RAP1GAP2: variants seen among roughly 807,000 people sequenced by gnomAD.
RAP1GAP2 encodes rap1 GTPase-activating protein 2.
Under a neutral mutation model 95.0 loss-of-function variants are expected in RAP1GAP2, and 27 were observed. The observed-to-expected ratio is 0.28, with a 90% CI of 0.21 to 0.39. The LOEUF is 0.39. Ranked by LOEUF, RAP1GAP2 falls within the 10% of genes least tolerant of loss-of-function variation. The probability of loss-of-function intolerance (pLI) is 1.00; values close to 1 mark genes in which losing one functional copy is unlikely to be tolerated. For synonymous variants in RAP1GAP2, 373 were observed against 380.9 expected (o/e 0.98, Z 0.24); for missense variants, 771 against 970.0 (o/e 0.79, Z 2.72).
At chr17:2,784,003 T>C (rs2151452118) in intron 1 of RAP1GAP2, among the ~76,000 whole-genome samples, 1 of 152,284 alleles carries the variant, frequency 6.6e-6, no homozygotes, top group South Asian at 2.1e-4. Context: ...GATGGAGTCT[T>C]GCTCTGTTGC....
chr17:2,828,792 CT>C (rs2070702473), intron 2 of RAP1GAP2, among the ~76,000 whole-genome samples: 1 of 152,118 alleles, frequency 6.6e-6, no homozygotes, highest in African/African-American at 2.4e-5. Flanking sequence ...GGCTGTTCTC[CT>C]TCCCCAACGG....
chr17:2,853,058 T>C (rs2071942783), intron 2 of RAP1GAP2, among the ~76,000 whole-genome samples: 2 of 151,646 alleles, frequency 1.3e-5, no homozygotes, highest in South Asian at 4.2e-4. Context: ...GTGAAGTTGG[T>C]TATTGAACCC....
intron 3 of RAP1GAP2, among the ~76,000 whole-genome samples, chr17:2,919,199 G>C (rs2042670939): frequency 6.6e-6 from 1 of 152,134 alleles, no homozygotes; most frequent in African/African-American, 2.4e-5. Flanking sequence ...GAGGGTCTTG[G>C]AAAAAGGCTA....
intron 2 of RAP1GAP2, among the ~76,000 whole-genome samples, chr17:2,819,998 C>T (rs1427309437): frequency 1.3e-5 from 2 of 152,012 alleles, no homozygotes; most frequent in African/African-American, 4.8e-5. Context: ...ATCTTGCTGT[C>T]TCAAACTTCT....
intron 2 of RAP1GAP2, among the ~76,000 whole-genome samples, chr17:2,881,106 C>G (rs1446581033): frequency 6.6e-6 from 1 of 151,906 alleles, no homozygotes; most frequent in Non-Finnish European, 1.5e-5. Flanking sequence ...ACTAAAAATG[C>G]AAAAATTAGC....
chr17:2,800,616 TC>T, intron 2 of RAP1GAP2, 66 bp downstream of exon 2: 1 of 1,531,426 alleles, frequency 6.5e-7, no homozygotes. Context: ...GGGCCCTTGC[TC>T]CCCCCAGGTT....
In RAP1GAP2 at chr17:3,033,921, C is replaced by T. The variant is rs555510610; in HGVS notation, c.*560C>T. On this transcript the variant is annotated 3_prime_UTR_variant, in exon 25 of 25. Transcript: ENST00000254695. This position sits in a 1 kb window ranked among gnomAD's most constrained non-coding sequence, Gnocchi z 4.9. ...TGATAAAATTCGGCGCTATTGCCCC[C>T]GTAGCTCTGGAGCTCTAAACCGTCT... The T allele has an allele frequency of 3.1e-4, 47 of 152,454 alleles. 1 individual carries two copies. In the South Asian group the frequency reaches 8.1e-3, roughly 26 times the overall value. The allele number at this position is 152,454 out of a possible 1,614,324, so 9.4% of individuals were successfully genotyped here.
At chr17:2,943,884 T>G (rs1181210397) in intron 3 of RAP1GAP2, among the ~76,000 whole-genome samples, 1 of 151,790 alleles carries the variant, frequency 6.6e-6, no homozygotes, top group African/African-American at 2.4e-5. Context: ...GCATGGTGGC[T>G]CACGCCTGTA....
At chr17:2,897,116 C>T (rs1398421923) in intron 2 of RAP1GAP2, among the ~76,000 whole-genome samples, 3 of 152,102 alleles carry the variant, frequency 2.0e-5, no homozygotes, top group East Asian at 1.9e-4. Flanking sequence ...GCGGGTAGAT[C>T]GCCTGAGGTC....
At chr17:2,951,095 C>T (rs936931476) in intron 3 of RAP1GAP2, among the ~76,000 whole-genome samples, 4 of 152,236 alleles carry the variant, frequency 2.6e-5, no homozygotes, top group East Asian at 3.8e-4. Flanking sequence ...ACCTTGCAGC[C>T]GAAGCCTGAG....
intron 1 of RAP1GAP2, among the ~76,000 whole-genome samples, chr17:2,778,351 G>A (rs547023917): frequency 5.9e-5 from 9 of 152,124 alleles, no homozygotes; most frequent in African/African-American, 2.2e-4. Context: ...GCCTCTCTTG[G>A]TTCCTGTGTT....
At chr17:2,863,357 A>T (rs926194295) in intron 2 of RAP1GAP2, among the ~76,000 whole-genome samples, 4 of 152,158 alleles carry the variant, frequency 2.6e-5, no homozygotes, top group Admixed American at 2.6e-4. Context: ...ACTGTATTTC[A>T]TGAAGGCTGG....
At position 2,906,935 on chromosome 17, in the gene RAP1GAP2, T is replaced by C. The variant is rs114788783; in HGVS notation, c.165+1567T>C. Among the ~76,000 whole-genome samples the C allele has an allele frequency of 0.011, 1,740 of 152,238 alleles. 26 individuals are homozygous for C. Among genetic ancestry groups the C allele is most frequent in the African/African-American group, 0.038 (1,588 of 41,540 alleles). On this transcript the variant is annotated intron_variant, in intron 3 of 24. Coordinates refer to ENST00000254695, the MANE Select transcript of RAP1GAP2 (RefSeq NM_015085.5). This position sits in a 1 kb window ranked among gnomAD's most constrained non-coding sequence, Gnocchi z 4.3. ...AAAAGGGTATTTTTTGCCTTTGTAA[T>C]TGCAAGCATAGACGGCAGGCATGAC...
At chr17:2,819,572 C>G (rs926047466) in intron 2 of RAP1GAP2, among the ~76,000 whole-genome samples, 1 of 151,750 alleles carries the variant, frequency 6.6e-6, no homozygotes, top group Non-Finnish European at 1.5e-5. Context: ...CTCCCGGGTT[C>G]CAGCGACTCT....
intron 3 of RAP1GAP2, among the ~76,000 whole-genome samples, chr17:2,921,570 A>T (rs200817684): frequency 6.6e-6 from 1 of 151,046 alleles, no homozygotes; most frequent in East Asian, 2.0e-4. Flanking sequence ...GGGCCGTTAA[A>T]GTGTCCGCAG....
chr17:2,972,662 G>A lies in RAP1GAP2; in HGVS notation c.596+7019G>A, dbSNP rs919615089. 4.1e-5 allele frequency among the ~76,000 whole-genome samples: 6 copies of A among 145,576 alleles called. No homozygotes were observed. The South Asian group carries it at 1.3e-3, about 31-fold the overall frequency. ...ATCAGTCAAATGAGATGCAAAAAAAGGGTAGGGGCCAATATTCCTTACGAA... is the reference window on the plus strand; with the variant it reads ...ATCAGTCAAATGAGATGCAAAAAAAAGGTAGGGGCCAATATTCCTTACGAA... On this transcript the variant is annotated intron_variant, in intron 8 of 24. Transcript: ENST00000254695.
chr17:2,944,324 A>G (rs1303838048), intron 3 of RAP1GAP2, among the ~76,000 whole-genome samples: 1 of 152,228 alleles, frequency 6.6e-6, no homozygotes, highest in Non-Finnish European at 1.5e-5. Flanking sequence ...AACATTAAAA[A>G]GAGAACTACC....
chr17:3,012,772 T>A (rs957486430), intron 17 of RAP1GAP2, among the ~76,000 whole-genome samples: 2 of 152,064 alleles, frequency 1.3e-5, no homozygotes, highest in African/African-American at 4.8e-5. Context: ...TCGGGAGTCT[T>A]GCGAGAACAG....
At chr17:2,945,308 G>A (rs1484606013) in intron 3 of RAP1GAP2, among the ~76,000 whole-genome samples, 3 of 152,230 alleles carry the variant, frequency 2.0e-5, no homozygotes, top group Admixed American at 6.5e-5. Context: ...CATTGCTGGT[G>A]TATAGAAACA....
Sources: allele counts gnomAD v4.1 joint callset (sites outside exome capture counted in the v4.1 genomes callset), GRCh38; gene constraint gnomAD v4.1.1; non-coding constraint Gnocchi (gnomAD v3.1); transcripts MANE v1.5; gene names NCBI Gene and HGNC (gene_info 2026-07-23, HGNC 2026-07-21).